The following PCDHGA6 variants were observed in gnomAD, a reference collection of about 807,000 sequenced individuals.
PCDHGA6 encodes protocadherin gamma subfamily A, 6, also known as protocadherin gamma-A6.
In PCDHGA6, 41 loss-of-function variants were observed where a neutral mutation model predicts 60.6. That is an observed-to-expected ratio of 0.68 (90% confidence interval 0.53 to 0.88). The LOEUF is 0.88. PCDHGA6 is among the 40% of genes least tolerant of loss of function. The pLI, the probability that PCDHGA6 is intolerant of heterozygous loss-of-function variation, is 0.00. For missense variants in PCDHGA6, 1,312 were observed against 1,203.0 expected (o/e 1.09, Z -1.34); for synonymous variants, 594 against 524.4 (o/e 1.13, Z -1.81).
intron 1 of PCDHGA6, among the ~76,000 whole-genome samples, chr5:141,460,758 C>T (rs1292050905): frequency 6.6e-6 from 1 of 150,582 alleles, no homozygotes; most frequent in African/African-American, 2.4e-5. Context: ...TGTACATATA[C>T]ATATTGCATA....
chr5:141,445,389 C>T (rs1484183450), intron 1 of PCDHGA6, among the ~76,000 whole-genome samples: 1 of 152,174 alleles, frequency 6.6e-6, no homozygotes, highest in Non-Finnish European at 1.5e-5. Flanking sequence ...CATTCATTTA[C>T]ATAACAAATA....
At position 141,384,265 on chromosome 5, in the gene PCDHGA6, T is replaced by C. The variant is rs553615154; in HGVS notation, c.2424+7758T>C. 81 of 1,613,814 alleles carry C rather than the reference T, an allele frequency of 5.0e-5. No individual in the cohort carries two copies. In the South Asian group the frequency reaches 7.4e-4, roughly 15 times the overall value. Reference sequence around the variant, plus strand: ...TAACCCACCCACCTTCCCCCACTCATCCTACTCAGTCTACATCGCTGAGAA... The same window carrying C: ...TAACCCACCCACCTTCCCCCACTCACCCTACTCAGTCTACATCGCTGAGAA... On this transcript the variant is annotated intron_variant, in intron 1 of 3. Coordinates refer to ENST00000517434, the MANE Select transcript of PCDHGA6 (RefSeq NM_018919.3).
At chr5:141,400,303 G>T (rs2094000375) in intron 1 of PCDHGA6, 1 of 1,613,908 alleles carries the variant, frequency 6.2e-7, no homozygotes, top group Non-Finnish European at 8.5e-7. Context: ...CTTCCAACCT[G>T]GTCTCTGTGT....
In PCDHGA6 at chr5:141,487,128, G is replaced by T. The variant is rs565927415; in HGVS notation, c.2425-7679G>T. On this transcript the variant is annotated intron_variant, in intron 1 of 3. Transcript: ENST00000517434. This position sits in a 1 kb window ranked among gnomAD's most constrained non-coding sequence, Gnocchi z 5.0. ...GTCATTGTGGTAAAGGATAGTGGTA[G>T]TCCACCACTCTCTACCTCTGTTACT... The T allele has an allele frequency of 6.3e-5, 102 of 1,614,086 alleles. No individual in the cohort carries two copies. The South Asian group carries it at 7.7e-4, about 12-fold the overall frequency.
chr5:141,488,196 TA>T, intron 1 of PCDHGA6, among the ~76,000 whole-genome samples: 1 of 152,186 alleles, frequency 6.6e-6, no homozygotes, highest in Non-Finnish European at 1.5e-5. Context: ...GTCTGGGTCT[TA>T]GGACTCATAT....
Position 141,375,403 on chromosome 5 carries a change from A to G in PCDHGA6, c.1320A>G (p.Leu440=). The change falls in exon 1 of 4, where the codon CTA becomes CTG. Residue 440 remains leucine, a synonymous_variant. Coordinates refer to ENST00000517434, the MANE Select transcript of PCDHGA6 (RefSeq NM_018919.3). ...PPLSTETIIS[L]NVADTNDNPP... The stretch of plus-strand genomic sequence containing the variant: ...TGTCTACAGAAACAATCATCTCTCT[A>G]AATGTGGCAGACACCAACGACAACC... The G allele has an allele frequency of 1.2e-6, 2 of 1,613,908 alleles. No homozygotes were observed. The highest frequency in any genetic ancestry group is 1.7e-6 in the Non-Finnish European group (2 of 1,180,012).
chr5:141,491,945 C>T lies in PCDHGA6; in HGVS notation c.2425-2862C>T. ...GAGGGGAGGTGGGACCGACCCCCAC[C>T]CCTACACTCAAAAAAGGCCGGGGCC... On this transcript the variant is annotated intron_variant, in intron 1 of 3. Coordinates refer to ENST00000517434, the MANE Select transcript of PCDHGA6 (RefSeq NM_018919.3). The surrounding 1 kb of genome is among the most constrained non-coding windows in gnomAD (Gnocchi z 6.9). 1.8e-6 allele frequency: 2 copies of T among 1,116,616 alleles called. No individual in the cohort carries two copies. 69.2% of individuals were successfully genotyped at this position (1,116,616 alleles called of 1,614,324 possible). A position where few individuals can be genotyped will look rare whatever the true frequency, so the allele number is the denominator to read the frequency against.
chr5:141,473,308 A>G (rs1248143328), intron 1 of PCDHGA6, among the ~76,000 whole-genome samples: 1 of 152,234 alleles, frequency 6.6e-6, no homozygotes, highest in Non-Finnish European at 1.5e-5. Context: ...AGATTGCTAT[A>G]TTAATAAGCA....
chr5:141,508,979 G>C (rs1317798009), intron 3 of PCDHGA6, among the ~76,000 whole-genome samples: 1 of 152,110 alleles, frequency 6.6e-6, no homozygotes, highest in Admixed American at 6.5e-5. Context: ...GCTGGGGGTG[G>C]GGGCCAGCTG....
At chr5:141,398,818 C>G in intron 1 of PCDHGA6, 1 of 1,613,958 alleles carries the variant, frequency 6.2e-7, no homozygotes. Flanking sequence ...GCTCCGGATC[C>G]AGGTAACCGA....
intron 1 of PCDHGA6, chr5:141,384,126 C>G: frequency 1.2e-6 from 2 of 1,610,938 alleles, no homozygotes; most frequent in Non-Finnish European, 1.7e-6. Context: ...CAACCAAAAA[C>G]TTGGACCGGG....
intron 1 of PCDHGA6, among the ~76,000 whole-genome samples, chr5:141,457,424 C>T (rs1261475379): frequency 6.6e-6 from 1 of 152,068 alleles, no homozygotes; most frequent in Non-Finnish European, 1.5e-5. Context: ...TCCCTTTTTC[C>T]CCCCCACCAA....
At chr5:141,420,077 C>A (rs760626443) in intron 1 of PCDHGA6, 1 of 1,613,900 alleles carries the variant, frequency 6.2e-7, no homozygotes, top group Non-Finnish European at 8.5e-7. Context: ...ACCTGTGGGT[C>A]CCCCCAACTA....
At chr5:141,389,714 C>A in intron 1 of PCDHGA6, 1 of 1,612,536 alleles carries the variant, frequency 6.2e-7, no homozygotes, top group South Asian at 1.1e-5. Flanking sequence ...TGCAGGCTAG[C>A]GAGCCCGGGC....
intron 1 of PCDHGA6, chr5:141,415,794 A>C: frequency 7.3e-7 from 1 of 1,366,410 alleles, no homozygotes; most frequent in Non-Finnish European, 9.3e-7. Context: ...AAATTCACCT[A>C]GTCTCAATCA....
At chr5:141,495,240 C>T (rs2099759761) in intron 2 of PCDHGA6, among the ~76,000 whole-genome samples, 1 of 152,182 alleles carries the variant, frequency 6.6e-6, no homozygotes, top group South Asian at 2.1e-4. Context: ...TCCATTATGA[C>T]CTGGGGCTCA....
chr5:141,433,064 A>T, intron 1 of PCDHGA6: 1 of 1,614,064 alleles, frequency 6.2e-7, no homozygotes, highest in Non-Finnish European at 8.5e-7. Context: ...GAGTCACCTG[A>T]TCTTCCCCCA....
At chr5:141,430,950 T>C (rs756423770) in intron 1 of PCDHGA6, 5 of 1,609,980 alleles carry the variant, frequency 3.1e-6, no homozygotes, top group East Asian at 2.2e-5. Flanking sequence ...GAGCGCGGAG[T>C]CCGCATCATC....
chr5:141,389,281 G>A (rs768749414), intron 1 of PCDHGA6: 3 of 1,614,012 alleles, frequency 1.9e-6, no homozygotes, highest in South Asian at 2.2e-5. Context: ...AACCCGCCTG[G>A]AGCCTCTATT....
Sources: allele counts gnomAD v4.1 joint callset (sites outside exome capture counted in the v4.1 genomes callset), GRCh38; gene constraint gnomAD v4.1.1; non-coding constraint Gnocchi (gnomAD v3.1); transcripts MANE v1.5; gene names NCBI Gene and HGNC (gene_info 2026-07-23, HGNC 2026-07-21).